Variants in NRXN1 observed in about 807,000 individuals in gnomAD.
NRXN1 encodes neurexin-1.
Under a neutral mutation model 150.9 loss-of-function variants are expected in NRXN1, and 39 were observed. That is an observed-to-expected ratio of 0.26 (90% CI 0.20 to 0.34). The LOEUF is 0.34. Among genes scored for constraint, NRXN1 ranks in the 10% least tolerant of loss-of-function variants. NRXN1 has a pLI of 1.00. For missense variants in NRXN1, 1,815 were observed against 1,949.9 expected, an observed-to-expected ratio of 0.93 and a Z score of 1.30; for synonymous variants, 924 against 757.0, an observed-to-expected ratio of 1.22 and a Z score of -3.62.
chr2:50,422,364 C>T (rs189537273), intron 17 of NRXN1, among the ~76,000 whole-genome samples: 1 of 152,152 alleles, frequency 6.6e-6, no homozygotes, highest in African/African-American at 2.4e-5. Flanking sequence ...CAATGTATTA[C>T]CACTGGGCTG....
intron 18 of NRXN1, among the ~76,000 whole-genome samples, chr2:50,149,834 A>C (rs956590747): frequency 3.3e-5 from 5 of 151,658 alleles, no homozygotes; most frequent in African/African-American, 1.2e-4. Context: ...ACTCAAGAGA[A>C]GACTTGAGCC....
intron 9 of NRXN1, among the ~76,000 whole-genome samples, chr2:50,542,088 C>T (rs1466524504): frequency 6.6e-6 from 1 of 152,086 alleles, no homozygotes; most frequent in Admixed American, 6.6e-5. Context: ...TCGAGACCAG[C>T]CTGACCAACA....
At chr2:50,284,818 A>G (rs754923630) in intron 17 of NRXN1, among the ~76,000 whole-genome samples, 9 of 152,196 alleles carry the variant, frequency 5.9e-5, no homozygotes, top group Non-Finnish European at 1.2e-4. Flanking sequence ...ATATTCAGTA[A>G]CACCTTGCTT....
intron 17 of NRXN1, among the ~76,000 whole-genome samples, chr2:50,350,196 A>G (rs569744053): frequency 6.6e-6 from 1 of 152,318 alleles, no homozygotes; most frequent in African/African-American, 2.4e-5. Context: ...TCCTTAATAC[A>G]TAATGTTGAT....
intron 18 of NRXN1, among the ~76,000 whole-genome samples, chr2:50,208,117 A>G (rs764451936): frequency 6.6e-6 from 1 of 152,062 alleles, no homozygotes; most frequent in Non-Finnish European, 1.5e-5. Flanking sequence ...TGTCCAAATG[A>G]TGGTGTTCTG....
chr2:50,807,162 T>C (rs538313000), intron 5 of NRXN1, among the ~76,000 whole-genome samples: 1 of 152,264 alleles, frequency 6.6e-6, no homozygotes, highest in Non-Finnish European at 1.5e-5. Flanking sequence ...TCTTATTTTC[T>C]TTATCTATCT....
At chr2:50,855,600 C>G (rs1057018860) in intron 5 of NRXN1, among the ~76,000 whole-genome samples, 1 of 151,894 alleles carries the variant, frequency 6.6e-6, no homozygotes, top group Non-Finnish European at 1.5e-5. Flanking sequence ...TTTAAAACAT[C>G]CAAGGGAAGG....
At chr2:50,555,946 C>T (rs1042734147) in intron 8 of NRXN1, among the ~76,000 whole-genome samples, 1 of 152,108 alleles carries the variant, frequency 6.6e-6, no homozygotes, top group Non-Finnish European at 1.5e-5. Flanking sequence ...GGTTTATACA[C>T]AAAAATATAC....
At chr2:51,005,389 C>A (rs1558572618) in intron 2 of NRXN1, among the ~76,000 whole-genome samples, 1 of 151,946 alleles carries the variant, frequency 6.6e-6, no homozygotes, top group Non-Finnish European at 1.5e-5. Context: ...ATCAGCATAT[C>A]CATCAGTTCA....
chr2:50,769,487 A>G (rs1156540589), intron 5 of NRXN1, among the ~76,000 whole-genome samples: 4 of 152,122 alleles, frequency 2.6e-5, no homozygotes, highest in Non-Finnish European at 4.4e-5. Flanking sequence ...CACAGGTTAG[A>G]GGAGGTTTAA....
At chr2:50,970,301 A>G (rs1694803280) in intron 2 of NRXN1, among the ~76,000 whole-genome samples, 1 of 152,096 alleles carries the variant, frequency 6.6e-6, no homozygotes, top group African/African-American at 2.4e-5. Context: ...GCAGGAGGTC[A>G]GAGAAAAACT....
At chr2:50,587,618 T>C (rs1426194501) in intron 8 of NRXN1, among the ~76,000 whole-genome samples, 1 of 152,194 alleles carries the variant, frequency 6.6e-6, no homozygotes, top group East Asian at 1.9e-4. Flanking sequence ...TTATAGTTAT[T>C]TGGATGTGTA....
At chr2:50,439,859 T>C (rs747399285) in intron 17 of NRXN1, among the ~76,000 whole-genome samples, 22 of 151,902 alleles carry the variant, frequency 1.4e-4, no homozygotes, top group Non-Finnish European at 2.4e-4. Flanking sequence ...AAGGTCATTA[T>C]GTGCTAGGCC....
chr2:50,927,569 T>C (rs1050032037), intron 2 of NRXN1, among the ~76,000 whole-genome samples: 5 of 152,052 alleles, frequency 3.3e-5, no homozygotes, highest in African/African-American at 4.8e-5. Context: ...CAAACACAAA[T>C]ATTAAAGTTT....
intron 15 of NRXN1, among the ~76,000 whole-genome samples, chr2:50,474,177 C>G (rs899706577): frequency 1.3e-5 from 2 of 151,494 alleles, no homozygotes; most frequent in African/African-American, 4.8e-5. Context: ...CCATTCTGTC[C>G]TTTGTTTTTG....
intron 5 of NRXN1, among the ~76,000 whole-genome samples, chr2:50,693,937 A>G (rs1029480391): frequency 6.6e-6 from 1 of 152,100 alleles, no homozygotes; most frequent in African/African-American, 2.4e-5. Flanking sequence ...AACTATAGGT[A>G]TCCACTACCA....
chr2:50,121,600 G>A (rs189443905), intron 18 of NRXN1, among the ~76,000 whole-genome samples: 2 of 152,206 alleles, frequency 1.3e-5, no homozygotes, highest in African/African-American at 4.8e-5. Context: ...ACCAATCCTT[G>A]GAGGAACAAC....
At chr2:50,497,762 T>A in intron 13 of NRXN1, 48 bp from the exon 14 acceptor site, 1 of 1,526,964 alleles carries the variant, frequency 6.5e-7, no homozygotes, top group South Asian at 1.3e-5. Flanking sequence ...TGAAAGGCAC[T>A]TTCAACTTTA....
intron 10 of NRXN1, among the ~76,000 whole-genome samples, chr2:50,533,878 AC>A (rs1159312724): frequency 4.6e-5 from 7 of 152,154 alleles, no homozygotes; most frequent in African/African-American, 1.7e-4. Flanking sequence ...CTCCAGAGAG[AC>A]CTGCTACCCA....
Sources: allele counts gnomAD v4.1 joint callset (sites outside exome capture counted in the v4.1 genomes callset), GRCh38; gene constraint gnomAD v4.1.1; transcripts MANE v1.5; gene names NCBI Gene and HGNC (gene_info 2026-07-23, HGNC 2026-07-21).